The following PTPRD variants were observed in gnomAD, a reference collection of about 807,000 sequenced individuals.
The protein encoded by PTPRD is receptor-type tyrosine-protein phosphatase delta.
PTPRD carries 34 observed loss-of-function variants against 214.5 expected under a neutral mutation model. That is an observed-to-expected ratio of 0.16 (90% CI 0.12 to 0.21). The LOEUF (loss-of-function observed/expected upper bound fraction) is 0.21. PTPRD is among the 10% of genes least tolerant of loss of function. PTPRD has a pLI of 1.00. For missense variants in PTPRD, 2,545 were observed against 2,398.7 expected (o/e 1.06, Z -1.27); for synonymous variants, 1,128 against 845.7 (o/e 1.33, Z -5.79).
chr9:8,460,735 G>T (rs1384842526), intron 32 of PTPRD, among the ~76,000 whole-genome samples, 164 bp from the exon 33 acceptor site: 1 of 151,998 alleles, frequency 6.6e-6, no homozygotes, highest in East Asian at 1.9e-4. Flanking sequence ...ATAAAGAAAA[G>T]AAAGGATGGA....
chr9:8,867,244 A>T (rs1448607143), intron 11 of PTPRD, among the ~76,000 whole-genome samples: 1 of 149,902 alleles, frequency 6.7e-6, no homozygotes, highest in Non-Finnish European at 1.5e-5. Flanking sequence ...TCCTTCTCTC[A>T]GCTTTGTTCA....
chr9:9,983,193 T>G (rs1012102889), intron 4 of PTPRD, among the ~76,000 whole-genome samples: 1 of 152,164 alleles, frequency 6.6e-6, no homozygotes, highest in African/African-American at 2.4e-5. Flanking sequence ...AGGACCTTGA[T>G]TTTGCTAGTG....
chr9:8,893,204 G>A (rs1013582482), intron 11 of PTPRD, among the ~76,000 whole-genome samples: 2 of 152,142 alleles, frequency 1.3e-5, no homozygotes, highest in African/African-American at 2.4e-5. Context: ...GATGGGACAA[G>A]AGAGGTTAAA....
intron 10 of PTPRD, among the ~76,000 whole-genome samples, chr9:9,131,149 G>T (rs2099841980): frequency 6.6e-6 from 1 of 152,000 alleles, no homozygotes; most frequent in African/African-American, 2.4e-5. Flanking sequence ...TGATACTTAG[G>T]GCAAACTCCA....
chr9:10,505,647 T>C (rs916693592), intron 2 of PTPRD, among the ~76,000 whole-genome samples: 1 of 151,738 alleles, frequency 6.6e-6, no homozygotes, highest in Non-Finnish European at 1.5e-5. Flanking sequence ...CAAAGCCACA[T>C]CTTTCTCCAC....
rs1051117435 is a variant in PTPRD at position 10,382,893 on chromosome 9, T to C, written c.-599-41876A>G. 2.2e-4 allele frequency among the ~76,000 whole-genome samples: 33 copies of C among 151,910 alleles called. No individual in the cohort carries two copies. In the Middle Eastern group the frequency reaches 0.01, roughly 47 times the overall value. ...TCTGATAGAATCTTCCTTAATACCA[T>C]GGTGTGGAAGTGTGGTGTAGAGTGA... On this transcript the variant is annotated intron_variant, in intron 2 of 45. Coordinates refer to ENST00000381196, the MANE Select transcript of PTPRD (RefSeq NM_002839.4).
At chr9:9,848,539 T>G (rs551565194) in intron 5 of PTPRD, among the ~76,000 whole-genome samples, 1 of 152,238 alleles carries the variant, frequency 6.6e-6, no homozygotes, top group Non-Finnish European at 1.5e-5. Flanking sequence ...ACTTTAAGAA[T>G]TGAAGACCTT....
intron 3 of PTPRD, among the ~76,000 whole-genome samples, chr9:10,188,905 G>A (rs2154317446): frequency 6.6e-6 from 1 of 152,268 alleles, no homozygotes; most frequent in Admixed American, 6.5e-5. Context: ...GATTCTGGGG[G>A]TTGGGAATTT....
At chr9:8,851,477 A>G (rs891183636) in intron 11 of PTPRD, among the ~76,000 whole-genome samples, 5 of 152,224 alleles carry the variant, frequency 3.3e-5, no homozygotes, top group Admixed American at 2.6e-4. Context: ...TCTAGCAACT[A>G]CACTAATTAT....
intron 11 of PTPRD, among the ~76,000 whole-genome samples, chr9:8,912,148 T>G (rs1339420721): frequency 6.6e-6 from 1 of 152,332 alleles, no homozygotes; most frequent in East Asian, 1.9e-4. Context: ...GGAATTCCAC[T>G]CTTAGGTGTT....
chr9:9,518,021 C>T (rs115285096), intron 8 of PTPRD, among the ~76,000 whole-genome samples: 3,176 of 152,088 alleles, frequency 0.021, 128 homozygotes, highest in African/African-American at 0.071. Context: ...AACTATATTT[C>T]TCTATATTTA....
intron 14 of PTPRD, among the ~76,000 whole-genome samples, chr9:8,571,074 C>T (rs1267623943): frequency 6.6e-6 from 1 of 151,988 alleles, no homozygotes; most frequent in Non-Finnish European, 1.5e-5. Flanking sequence ...GCAAAGTACT[C>T]CTGCTCACGA....
intron 2 of PTPRD, among the ~76,000 whole-genome samples, chr9:10,603,833 A>C (rs2078588628): frequency 6.6e-6 from 1 of 151,894 alleles, no homozygotes; most frequent in African/African-American, 2.4e-5. Flanking sequence ...TCTCTGATTT[A>C]GAAACAAAAA....
At chr9:10,227,449 A>G (rs1344540967) in intron 3 of PTPRD, among the ~76,000 whole-genome samples, 1 of 151,940 alleles carries the variant, frequency 6.6e-6, no homozygotes, top group Non-Finnish European at 1.5e-5. Flanking sequence ...ATTCAACATA[A>G]AAATATTACT....
chr9:8,768,105 G>C (rs1414095949), intron 11 of PTPRD, among the ~76,000 whole-genome samples: 1 of 152,124 alleles, frequency 6.6e-6, no homozygotes, highest in South Asian at 2.1e-4. Context: ...GTCTTTAAAA[G>C]ATATTAAGTG....
intron 5 of PTPRD, among the ~76,000 whole-genome samples, chr9:9,859,980 A>G (rs2062367412): frequency 6.6e-6 from 1 of 152,174 alleles, no homozygotes; most frequent in Non-Finnish European, 1.5e-5. Flanking sequence ...CAAGATCTCT[A>G]ACAACAACAA....
intron 7 of PTPRD, among the ~76,000 whole-genome samples, chr9:9,713,855 A>G (rs2097774949): frequency 6.6e-6 from 1 of 152,092 alleles, no homozygotes; most frequent in Non-Finnish European, 1.5e-5. Context: ...CTTATTTTAT[A>G]GGCTTCCTCA....
intron 14 of PTPRD, among the ~76,000 whole-genome samples, chr9:8,534,246 G>A (rs142969671): frequency 1.3e-5 from 2 of 151,928 alleles, no homozygotes; most frequent in Non-Finnish European, 2.9e-5. Context: ...ATGACCACAT[G>A]ACAAAACCAC....
chr9:9,842,936 A>G (rs2058681926), intron 5 of PTPRD, among the ~76,000 whole-genome samples: 1 of 152,112 alleles, frequency 6.6e-6, no homozygotes, highest in South Asian at 2.1e-4. Context: ...AAAACTTTCT[A>G]TACGGTTGTA....
Sources: gnomAD v4.1 joint callset for allele counts (sites outside exome capture counted in the v4.1 genomes callset) on GRCh38, gnomAD v4.1.1 for gene constraint, MANE v1.5 for transcripts, NCBI Gene and HGNC (gene_info 2026-07-23, HGNC 2026-07-21) for gene names.